GAB2: variants seen among roughly 807,000 people sequenced by gnomAD.
The protein encoded by GAB2 is GRB2-associated-binding protein 2.
Under a neutral mutation model 65.5 loss-of-function variants are expected in GAB2, and 26 were observed. The ratio of observed to expected loss-of-function variants is 0.40; its 90% confidence interval spans 0.29 to 0.55. The LOEUF is 0.55. Ranked by LOEUF, GAB2 falls within the 20% of genes least tolerant of loss-of-function variation. The probability of loss-of-function intolerance (pLI) is 0.53; values close to 1 mark genes in which losing one functional copy is unlikely to be tolerated. For missense variants in GAB2, 884 were observed against 875.8 expected, an observed-to-expected ratio of 1.01 and a Z score of -0.12; for synonymous variants, 321 against 329.6, an observed-to-expected ratio of 0.97 and a Z score of 0.28.
At chr11:78,379,343 A>G (rs904737856) in intron 1 of GAB2, among the ~76,000 whole-genome samples, 1 of 152,260 alleles carries the variant, frequency 6.6e-6, no homozygotes, top group Non-Finnish European at 1.5e-5. Flanking sequence ...TCCAGAACAT[A>G]AAAGACTTGG....
chr11:78,266,352 C>T (rs768501663), intron 2 of GAB2, among the ~76,000 whole-genome samples: 1 of 152,114 alleles, frequency 6.6e-6, no homozygotes, highest in Non-Finnish European at 1.5e-5. Context: ...CAATCCCAAT[C>T]CCAAACTGTG....
At chr11:78,337,805 T>A (rs12284833) in intron 1 of GAB2, among the ~76,000 whole-genome samples, 2,626 of 152,292 alleles carry the variant, frequency 0.017, 85 homozygotes, top group African/African-American at 0.061. Context: ...TGTACATTTT[T>A]AAAATATAAA....
chr11:78,236,224 T>G (rs1479957997), intron 3 of GAB2, among the ~76,000 whole-genome samples: 1 of 152,246 alleles, frequency 6.6e-6, no homozygotes, highest in Non-Finnish European at 1.5e-5. Flanking sequence ...TAATTAAAAT[T>G]TTTTCATTTT....
At chr11:78,345,082 C>A (rs781714064) in intron 1 of GAB2, among the ~76,000 whole-genome samples, 2 of 152,144 alleles carry the variant, frequency 1.3e-5, no homozygotes, top group Non-Finnish European at 2.9e-5. Context: ...GAGTTCAAGA[C>A]CAGCCCGCGC....
chr11:78,269,392 C>T (rs922555931), intron 2 of GAB2, among the ~76,000 whole-genome samples: 2 of 152,186 alleles, frequency 1.3e-5, no homozygotes, highest in African/African-American at 4.8e-5. Context: ...GGTCTCTGAG[C>T]AAGGCTTCTC....
chr11:78,385,725 A>G (rs1276545472), intron 1 of GAB2, among the ~76,000 whole-genome samples: 2 of 152,202 alleles, frequency 1.3e-5, no homozygotes, highest in South Asian at 2.1e-4. Flanking sequence ...AGCATGTCCA[A>G]TGTCTCCAAA....
Position 78,219,205 on chromosome 11 carries a change from G to C in GAB2, c.*67C>G. 6.9e-7 allele frequency: 1 copy of C among 1,457,438 alleles called. No homozygotes were observed. Among genetic ancestry groups the C allele is most frequent in the Non-Finnish European group, 9.5e-7 (1 of 1,049,390 alleles). 90.3% of individuals were successfully genotyped at this position (1,457,438 alleles called of 1,614,324 possible). A position where few individuals can be genotyped will look rare whatever the true frequency, so the allele number is the denominator to read the frequency against. On this transcript the variant is annotated 3_prime_UTR_variant, in exon 10 of 10. Coordinates refer to ENST00000361507, the MANE Select transcript of GAB2 (RefSeq NM_080491.3). ...TGGATGGGAGGAAGAACGGGAGAGG[G>C]GAGAGGGGAGATGGGAAGGGCCAGC...
intron 1 of GAB2, among the ~76,000 whole-genome samples, chr11:78,310,879 A>G (rs1855485469): frequency 6.6e-6 from 1 of 152,210 alleles, no homozygotes; most frequent in African/African-American, 2.4e-5. Context: ...TCATTCTAAA[A>G]AAATAAGAAG....
At chr11:78,362,964 T>C (rs1031022887) in intron 1 of GAB2, among the ~76,000 whole-genome samples, 1 of 152,134 alleles carries the variant, frequency 6.6e-6, no homozygotes, top group African/African-American at 2.4e-5. Context: ...CCTCGAAATA[T>C]ATAAAGCAAG....
intron 1 of GAB2, among the ~76,000 whole-genome samples, chr11:78,335,210 T>C (rs554648166): frequency 3.8e-4 from 58 of 152,334 alleles, no homozygotes; most frequent in South Asian, 8.3e-4. Flanking sequence ...ATTTTAGGGA[T>C]TGTCTCCTTT....
intron 1 of GAB2, among the ~76,000 whole-genome samples, chr11:78,355,504 A>G (rs1164673049): frequency 6.6e-6 from 1 of 152,080 alleles, no homozygotes; most frequent in African/African-American, 2.4e-5. Context: ...CAACATCCAC[A>G]GCAACATTTC....
At chr11:78,244,093 A>G (rs1279643047) in intron 3 of GAB2, among the ~76,000 whole-genome samples, 2 of 151,706 alleles carry the variant, frequency 1.3e-5, no homozygotes, top group Non-Finnish European at 2.9e-5. Context: ...AAATAGACAA[A>G]TGGCTGGGTG....
chr11:78,296,584 G>C (rs1866835563), intron 1 of GAB2, among the ~76,000 whole-genome samples: 1 of 151,198 alleles, frequency 6.6e-6, no homozygotes, highest in African/African-American at 2.4e-5. Flanking sequence ...CAAAAAACAT[G>C]GTACCCGATA....
chr11:78,266,189 T>A (rs2134555103), intron 2 of GAB2, among the ~76,000 whole-genome samples: 1 of 114,940 alleles, frequency 8.7e-6, no homozygotes, highest in East Asian at 2.6e-4. Flanking sequence ...CACTCCAGCC[T>A]GGGTGACAGA....
Position 78,295,167 on chromosome 11 carries a change from A to G in GAB2, c.76-14266T>C, listed in dbSNP as rs191797568. 4.5e-3 allele frequency among the ~76,000 whole-genome samples: 692 copies of G among 152,368 alleles called. 4 individuals carry two copies. The highest frequency in any genetic ancestry group is 0.016 in the African/African-American group (671 of 41,586). On this transcript the variant is annotated intron_variant, in intron 1 of 9. Transcript: ENST00000361507. ...TCATCACTGGCCATCAGAGAAATGC[A>G]AATCAAAACCACCATGAGATACCAT...
intron 3 of GAB2, among the ~76,000 whole-genome samples, chr11:78,234,607 A>T (rs924467997): frequency 6.7e-6 from 1 of 148,194 alleles, no homozygotes; most frequent in African/African-American, 2.5e-5. Context: ...AACTATTTTT[A>T]TTTATATATG....
rs151029153 is a variant in GAB2, at chr11:78,266,175, AC to A, written c.376+14425del. The stretch of plus-strand genomic sequence containing the variant: ...GGCTGCAGTGAGCCAAGATTACACC[AC>A]TGCACTCCAGCCTGGGTGACAGAGC... On this transcript the variant is annotated intron_variant, in intron 2 of 9. Coordinates refer to ENST00000361507, the MANE Select transcript of GAB2 (RefSeq NM_080491.3). 5.1e-3 allele frequency among the ~76,000 whole-genome samples: 664 copies of A among 130,958 alleles called. 2 individuals are homozygous for A. Among genetic ancestry groups the A allele is most frequent in the Non-Finnish European group, 8.1e-3 (523 of 64,190 alleles). The allele number at this position is 130,958 out of a possible 152,430, so 85.9% of individuals were successfully genotyped here. A position where few individuals can be genotyped will look rare whatever the true frequency, so the allele number is the denominator to read the frequency against.
rs776442048 is a variant in GAB2, at chr11:78,220,314, G to A, written c.1887+5C>T. The stretch of plus-strand genomic sequence containing the variant: ...TTACTGCCCCCCCAACTCTACTCCA[G>A]GCACCTTGCGGTGGGGGCTTGGGGA... On this transcript the variant is annotated splice_donor_5th_base_variant and intron_variant, in intron 9 of 9. Transcript: ENST00000361507. The A allele has an allele frequency of 8.1e-6, 13 of 1,612,114 alleles. No homozygotes were observed. The highest frequency in any genetic ancestry group is 6.7e-5 in the Admixed American group (4 of 59,930).
In GAB2 at chr11:78,226,480, T is replaced by C; in HGVS notation, c.1192A>G (p.Ser398Gly). Residue 398 changes from serine (S) to glycine (G), a missense_variant, in exon 4 of 10, where the codon AGC (serine) becomes GGC (glycine). Physicochemically the swap from Ser to Gly is moderately conservative, Grantham distance 56. Coordinates refer to ENST00000361507, the MANE Select transcript of GAB2 (RefSeq NM_080491.3). ...TTATACTGACCTCGGTGAAGTCGGC[T>C]GTTGTCCATTGCAGGGAGGGTGTTG... Reference protein sequence around the residue: ...RRNTLPAMDNSRLHRASSCET... With the variant: ...RRNTLPAMDNGRLHRASSCET... The C allele has an allele frequency of 6.2e-7, 1 of 1,613,242 alleles. No individual in the cohort carries two copies. The highest frequency in any genetic ancestry group is 1.7e-4 in the Middle Eastern group (1 of 6,060).
Sources: gnomAD v4.1 joint callset for allele counts (sites outside exome capture counted in the v4.1 genomes callset) on GRCh38, gnomAD v4.1.1 for gene constraint, MANE v1.5 for transcripts, NCBI Gene and HGNC (gene_info 2026-07-23, HGNC 2026-07-21) for gene names.